ELSPBP1: variants seen among roughly 807,000 people sequenced by gnomAD.
ELSPBP1 encodes epididymal sperm-binding protein 1.
ELSPBP1 carries 38 observed loss-of-function variants against 33.3 expected under a neutral mutation model. The observed-to-expected ratio is 1.14, with a 90% CI of 0.88 to 1.50. The LOEUF (loss-of-function observed/expected upper bound fraction) is 1.50, where lower values mean the gene tolerates loss of function less well. Ranked by LOEUF, ELSPBP1 falls within the 40% of genes most tolerant of loss-of-function variation. The probability of loss-of-function intolerance (pLI) is 0.00; values close to 1 mark genes in which losing one functional copy is unlikely to be tolerated. For synonymous variants in ELSPBP1, 85 were observed against 94.1 expected (o/e 0.90, Z 0.56); for missense variants, 267 against 263.5 (o/e 1.01, Z -0.09).
intron 4 of ELSPBP1, among the ~76,000 whole-genome samples, chr19:48,019,149 A>G (rs747564337): frequency 3.9e-5 from 6 of 152,122 alleles, no homozygotes; most frequent in Non-Finnish European, 7.4e-5. Flanking sequence ...GAAAGACTCC[A>G]TCTAAAAAAA....
rs1967047569 is a variant in ELSPBP1 at position 48,008,702 on chromosome 19, C to T, written c.35C>T (p.Thr12Ile). 1 of 1,613,844 alleles carries T rather than the reference C, an allele frequency of 6.2e-7. No homozygotes were observed. The highest frequency in any genetic ancestry group is 8.5e-7 in the Non-Finnish European group (1 of 1,179,914). The change falls in exon 2 of 7, where the codon ACA becomes ATA. Residue 12 changes from threonine (T) to isoleucine (I), a missense_variant. By Grantham distance (89) the Thr-to-Ile change is moderately conservative. Transcript: ENST00000339841. Reference protein sequence around the residue: ...TRWSSYLLGWTTFLLYSYESS... With the variant: ...TRWSSYLLGWITFLLYSYESS... ...TGGTCCAGTTACCTGTTGGGATGGA[C>T]AACCTTCCTTCTCTATTCCTATGAG...
rs752443440 is a variant in ELSPBP1 at position 48,008,675 on chromosome 19, G to A, written c.8G>A (p.Arg3Gln). The A allele has an allele frequency of 4.8e-5, 78 of 1,613,656 alleles. No individual in the cohort carries two copies. Among genetic ancestry groups the A allele is most frequent in the South Asian group, 4.0e-4 (36 of 91,002 alleles). ...GAGAAGAGGGCAGCCAAGATGACCC[G>A]ATGGTCCAGTTACCTGTTGGGATGG... MT[R>Q]WSSYLLGWTT... is the part of the protein sequence containing the mutation. Residue 3 changes from arginine to glutamine, a missense_variant, in exon 2 of 7, where the codon CGA becomes CAA. By Grantham distance (43) the Arg-to-Gln change is conservative. Transcript: ENST00000339841.
intron 1 of ELSPBP1, among the ~76,000 whole-genome samples, chr19:48,000,482 G>A (rs575955014): frequency 6.0e-5 from 9 of 149,514 alleles, no homozygotes; most frequent in African/African-American, 1.7e-4. Flanking sequence ...CTTGTGATTC[G>A]CCCTCCTCGG....
intron 1 of ELSPBP1, among the ~76,000 whole-genome samples, chr19:47,996,576 G>A (rs1022798472): frequency 6.6e-6 from 1 of 151,968 alleles, no homozygotes. Context: ...ATGGATGATG[G>A]AAGAAGATAG....
chr19:48,009,653 TG>T (rs1215065155), intron 2 of ELSPBP1, among the ~76,000 whole-genome samples: 2 of 152,160 alleles, frequency 1.3e-5, no homozygotes, highest in Non-Finnish European at 2.9e-5. Context: ...ATTCCTAACC[TG>T]GGGTCATTGA....
chr19:48,014,129 C>G (rs541922409), intron 2 of ELSPBP1, 42 bp from the exon 3 acceptor site: 1 of 1,599,898 alleles, frequency 6.3e-7, no homozygotes, highest in Non-Finnish European at 8.5e-7. Context: ...GCTAATTCAT[C>G]GTGATTCTTC....
intron 3 of ELSPBP1, among the ~76,000 whole-genome samples, chr19:48,015,550 C>A (rs10426717): frequency 6.6e-6 from 1 of 151,784 alleles, no homozygotes; most frequent in African/African-American, 2.4e-5. Flanking sequence ...CCCAGCTACT[C>A]GGGAGGCTGA....
In ELSPBP1 at chr19:48,022,458, T is replaced by C. The variant is rs75669902; in HGVS notation, c.*7+124T>C. On this transcript the variant is annotated intron_variant, in intron 6 of 6. Transcript: ENST00000339841. ...AAGCGTGTCTGATTAGCGTCGCTGA[T>C]GTGAAGGCGAGATCTGTTGCTTTTC... The C allele has an allele frequency of 3.3e-3, 2,752 of 835,038 alleles. 15 individuals are homozygous for C. Among genetic ancestry groups the C allele is most frequent in the South Asian group, 0.015 (569 of 38,786 alleles). 51.7% of individuals were successfully genotyped at this position (835,038 alleles called of 1,614,324 possible).
intron 2 of ELSPBP1, among the ~76,000 whole-genome samples, chr19:48,010,444 T>A (rs1217378826): frequency 1.3e-5 from 2 of 152,138 alleles, no homozygotes; most frequent in Non-Finnish European, 2.9e-5. Context: ...GTTCCAGACA[T>A]TGTGTTATGG....
intron 1 of ELSPBP1, among the ~76,000 whole-genome samples, chr19:48,000,088 A>C (rs1966952299): frequency 6.6e-6 from 1 of 152,206 alleles, no homozygotes; most frequent in Admixed American, 6.5e-5. Flanking sequence ...GGCCTCCCAA[A>C]GTGCTGGGAT....
At chr19:48,015,308 A>C (rs1486775709) in intron 3 of ELSPBP1, among the ~76,000 whole-genome samples, 1 of 152,022 alleles carries the variant, frequency 6.6e-6, no homozygotes, top group African/African-American at 2.4e-5. Context: ...GCAATGGAGG[A>C]GGTGGAAGGG....
chr19:48,002,617 C>T (rs940135530), intron 1 of ELSPBP1, among the ~76,000 whole-genome samples: 9 of 152,144 alleles, frequency 5.9e-5, no homozygotes, highest in African/African-American at 4.8e-5. Flanking sequence ...ACGGTGAAAC[C>T]GTGTCTCTAC....
At chr19:48,008,084 A>G (rs2122305072) in intron 1 of ELSPBP1, among the ~76,000 whole-genome samples, 1 of 152,306 alleles carries the variant, frequency 6.6e-6, no homozygotes, top group Admixed American at 6.5e-5. Context: ...TACTCACACG[A>G]ACCTAGATGG....
chr19:48,022,209 C>T lies in ELSPBP1; in HGVS notation c.554C>T (p.Pro185Leu), dbSNP rs35700000. The change falls in exon 6 of 7, where the codon CCG (proline) becomes CTG (leucine). Residue 185 changes from proline (P) to leucine (L), a missense_variant. By Grantham distance (98) the Pro-to-Leu change is moderately conservative (BLOSUM62 -3). Coordinates refer to ENST00000339841, the MANE Select transcript of ELSPBP1 (RefSeq NM_022142.5). ...GTCCCTGGCTTTCCTTGTCACTTTC[C>T]GTTCAACTATAAAAACAAGAATTAT... ...ALVPGFPCHF[P>L]FNYKNKNYFN... 0.025 allele frequency: 40,066 copies of T among 1,613,548 alleles called. 626 individuals carry two copies. The highest frequency in any genetic ancestry group is 0.057 in the Middle Eastern group (345 of 6,060).
intron 6 of ELSPBP1, among the ~76,000 whole-genome samples, chr19:48,023,402 AGTGAGGGAGGAGGGAGGGAGGG>A (rs1967227367): frequency 2.7e-4 from 21 of 78,820 alleles, no homozygotes; most frequent in South Asian, 1.1e-3. Context: ...GGAGGGAGGA[AGTGAGGGAGGAGGGAGGGAGGG>A]AAGGAGGAAG....
At chr19:47,999,475 A>G (rs1050312205) in intron 1 of ELSPBP1, among the ~76,000 whole-genome samples, 2 of 138,370 alleles carry the variant, frequency 1.4e-5, no homozygotes, top group African/African-American at 5.5e-5. Context: ...AGCAACCTCC[A>G]CTTCCTGGCT....
At chr19:47,997,631 G>A (rs1379649801) in intron 1 of ELSPBP1, among the ~76,000 whole-genome samples, 1 of 151,880 alleles carries the variant, frequency 6.6e-6, no homozygotes, top group Non-Finnish European at 1.5e-5. Context: ...CTGTTGTCCA[G>A]GCTGGTCTCA....
intron 6 of ELSPBP1, among the ~76,000 whole-genome samples, chr19:48,023,361 GGAGGAAGGAAGA>G: frequency 8.1e-6 from 1 of 123,674 alleles, no homozygotes; most frequent in Non-Finnish European, 1.7e-5. Flanking sequence ...AAGAAGGAAG[GGAGGAAGGAAGA>G]GAGGAAAGGA....
At chr19:48,002,546 T>A (rs1403487009) in intron 1 of ELSPBP1, among the ~76,000 whole-genome samples, 1 of 152,190 alleles carries the variant, frequency 6.6e-6, no homozygotes, top group Non-Finnish European at 1.5e-5. Context: ...ATCCCAGCAC[T>A]TTGGGAGGCC....
Sources: allele counts gnomAD v4.1 joint callset (sites outside exome capture counted in the v4.1 genomes callset), GRCh38; gene constraint gnomAD v4.1.1; transcripts MANE v1.5; gene names NCBI Gene and HGNC (gene_info 2026-07-23, HGNC 2026-07-21).